EFNA5: variants seen among roughly 807,000 people sequenced by gnomAD.
The protein encoded by EFNA5 is ephrin A5.
In EFNA5, 5 loss-of-function variants were observed where a neutral mutation model predicts 22.9. The ratio of observed to expected loss-of-function variants is 0.22; its 90% CI spans 0.11 to 0.46. EFNA5 has a LOEUF of 0.46. EFNA5 is among the 20% of genes least tolerant of loss of function. EFNA5 has a pLI of 0.99. For missense variants in EFNA5, 237 were observed against 293.3 expected (o/e 0.81, Z 1.40); for synonymous variants, 113 against 112.2 (o/e 1.01, Z -0.04).
At chr5:107,387,213 G>C (rs1490563147) in intron 4 of EFNA5, 22 bp downstream of exon 4, 1 of 1,532,180 alleles carries the variant, frequency 6.5e-7, no homozygotes, top group South Asian at 1.2e-5. Context: ...TTTGTTAAAA[G>C]AGATTCTCTA....
chr5:107,565,911 T>G (rs1748656453), intron 1 of EFNA5, among the ~76,000 whole-genome samples: 1 of 152,240 alleles, frequency 6.6e-6, no homozygotes, highest in Non-Finnish European at 1.5e-5. Flanking sequence ...TTACTTTAGC[T>G]GCTGCTTCAT....
intron 2 of EFNA5, among the ~76,000 whole-genome samples, chr5:107,416,203 T>C (rs1748500567): frequency 6.6e-6 from 1 of 152,222 alleles, no homozygotes; most frequent in Non-Finnish European, 1.5e-5. Context: ...CAGGAATAAG[T>C]TGACATGAAA....
rs374270425 is a variant in EFNA5 at position 107,468,655 on chromosome 5, G to T, written c.126-41146C>A. Among the ~76,000 whole-genome samples the T allele has an allele frequency of 2.0e-5, 3 of 152,100 alleles. No individual in the cohort carries two copies. In the East Asian group the frequency reaches 5.8e-4, roughly 29 times the overall value. ...AAGAGTTAAAACCTCACCAATGTTG[G>T]CACTCTACCAGCTTTCACAGTTCTT... On this transcript the variant is annotated intron_variant, in intron 1 of 4. Transcript: ENST00000333274.
chr5:107,422,166 T>C (rs1413769317), intron 2 of EFNA5, among the ~76,000 whole-genome samples: 1 of 152,232 alleles, frequency 6.6e-6, no homozygotes, highest in African/African-American at 2.4e-5. Context: ...CTTTTTCAAG[T>C]TACCTAACTT....
intron 1 of EFNA5, among the ~76,000 whole-genome samples, chr5:107,477,925 C>G (rs1330039559): frequency 2.0e-5 from 3 of 152,114 alleles, no homozygotes; most frequent in Non-Finnish European, 4.4e-5. Context: ...AGCTATCAAT[C>G]AGAGGCTGAT....
chr5:107,520,962 T>C (rs1414463934), intron 1 of EFNA5, among the ~76,000 whole-genome samples: 2 of 152,228 alleles, frequency 1.3e-5, no homozygotes, highest in Non-Finnish European at 2.9e-5. Context: ...GCTTCCATTC[T>C]CTTACATTTA....
chr5:107,647,345 AATATTT>A (rs1321679067), intron 1 of EFNA5, among the ~76,000 whole-genome samples: 2 of 152,156 alleles, frequency 1.3e-5, no homozygotes, highest in Non-Finnish European at 1.5e-5. Context: ...ACAGTAACTC[AATATTT>A]ATAAAAGAGA....
At position 107,495,428 on chromosome 5, in the gene EFNA5, G is replaced by A. The variant is rs186816322; in HGVS notation, c.126-67919C>T. On this transcript the variant is annotated intron_variant, in intron 1 of 4. Coordinates refer to ENST00000333274, the MANE Select transcript of EFNA5 (RefSeq NM_001962.3). ...ATCAGAAGGAACAAACTCCAGACGCGCCACCTTAAGAGCTGTAACGCTCAT... is the reference window on the plus strand; with the variant it reads ...ATCAGAAGGAACAAACTCCAGACGCACCACCTTAAGAGCTGTAACGCTCAT... Among the ~76,000 whole-genome samples, 10 of 152,260 alleles carry A rather than the reference G, an allele frequency of 6.6e-5. No homozygotes were observed. The South Asian group carries it at 1.5e-3, about 22-fold the overall frequency.
intron 1 of EFNA5, among the ~76,000 whole-genome samples, chr5:107,604,295 T>C (rs1749663734): frequency 6.6e-6 from 1 of 152,114 alleles, no homozygotes; most frequent in Admixed American, 6.5e-5. Flanking sequence ...TCGTCCTGCC[T>C]CAGCCTCCCG....
At chr5:107,632,024 A>G (rs1462070612) in intron 1 of EFNA5, among the ~76,000 whole-genome samples, 1 of 152,206 alleles carries the variant, frequency 6.6e-6, no homozygotes, top group Non-Finnish European at 1.5e-5. Flanking sequence ...CCTTCCAGCC[A>G]CCAGTTGCCC....
chr5:107,482,453 T>C (rs1474033545), intron 1 of EFNA5, among the ~76,000 whole-genome samples: 2 of 152,278 alleles, frequency 1.3e-5, no homozygotes, highest in Admixed American at 6.5e-5. Flanking sequence ...AACTAGAGAA[T>C]GAGAAGTCTG....
At chr5:107,479,172 T>C (rs1295142047) in intron 1 of EFNA5, among the ~76,000 whole-genome samples, 1 of 152,226 alleles carries the variant, frequency 6.6e-6, no homozygotes, top group East Asian at 1.9e-4. Flanking sequence ...TCATTTCTTA[T>C]GATGGGTATT....
At chr5:107,590,012 C>T (rs1203662125) in intron 1 of EFNA5, among the ~76,000 whole-genome samples, 3 of 152,126 alleles carry the variant, frequency 2.0e-5, no homozygotes, top group Non-Finnish European at 2.9e-5. Context: ...AGAGAATTTA[C>T]GTAAGACCAG....
At chr5:107,589,276 C>A (rs1451266310) in intron 1 of EFNA5, among the ~76,000 whole-genome samples, 1 of 152,090 alleles carries the variant, frequency 6.6e-6, no homozygotes, top group African/African-American at 2.4e-5. Context: ...CTCATAAGAC[C>A]AAGCCCAAAA....
rs371860952 is a variant in EFNA5 at position 107,433,393 on chromosome 5, T to C, written c.126-5884A>G. The stretch of plus-strand genomic sequence containing the variant: ...AATACCAAAAATGAATTATGTACTT[T>C]ATGGTAGTTCTTGATAAACCAGAGG... On this transcript the variant is annotated intron_variant, in intron 1 of 4. Transcript: ENST00000333274. Among the ~76,000 whole-genome samples, 11 of 152,204 alleles carry C rather than the reference T, an allele frequency of 7.2e-5. 1 individual carries two copies. In the East Asian group the frequency reaches 1.9e-3, roughly 27 times the overall value.
chr5:107,632,997 G>A (rs972443051), intron 1 of EFNA5, among the ~76,000 whole-genome samples: 10 of 151,884 alleles, frequency 6.6e-5, no homozygotes, highest in Non-Finnish European at 1.2e-4. Flanking sequence ...GGTTACAAGG[G>A]CACTTTTGTG....
chr5:107,385,510 A>G (rs1314927144), intron 4 of EFNA5, among the ~76,000 whole-genome samples: 1 of 152,190 alleles, frequency 6.6e-6, no homozygotes, highest in Non-Finnish European at 1.5e-5. Context: ...TTCTTAACAA[A>G]GACAAGAGAC....
At chr5:107,569,451 G>GTGTATATATATATTTATATA (rs1748732710) in intron 1 of EFNA5, among the ~76,000 whole-genome samples, 1 of 136,690 alleles carries the variant, frequency 7.3e-6, no homozygotes, top group Non-Finnish European at 1.5e-5. Context: ...TTATATATGT[G>GTGTATATATATATTTATATA]TGTGTATATA....
intron 1 of EFNA5, among the ~76,000 whole-genome samples, chr5:107,647,085 C>A (rs1750644557): frequency 6.6e-6 from 1 of 151,964 alleles, no homozygotes; most frequent in African/African-American, 2.4e-5. Context: ...GATGTTATCA[C>A]CCTGACAATA....
Sources: allele counts gnomAD v4.1 joint callset (sites outside exome capture counted in the v4.1 genomes callset), GRCh38; gene constraint gnomAD v4.1.1; transcripts MANE v1.5; gene names NCBI Gene and HGNC (gene_info 2026-07-23, HGNC 2026-07-21).